The following KLF17 variants were observed in gnomAD, a reference collection of about 807,000 sequenced individuals.
KLF17 encodes the protein KLF transcription factor 17, also known as Krueppel-like factor 17.
In KLF17, 31 loss-of-function variants were observed where a neutral mutation model predicts 34.2. The observed-to-expected ratio is 0.91, with a 90% CI of 0.68 to 1.22. KLF17 has a LOEUF of 1.22. Ranked by LOEUF, KLF17 falls within the 50% of genes most tolerant of loss-of-function variation. The probability of loss-of-function intolerance (pLI) is 0.00; values close to 1 mark genes in which losing one functional copy is unlikely to be tolerated. For synonymous variants in KLF17, 179 were observed against 186.7 expected (o/e 0.96, Z 0.34); for missense variants, 478 against 505.2 (o/e 0.95, Z 0.52).
the KLF17 span, chr1:44,052,009 C>G: frequency 6.6e-6 from 1 of 152,092 alleles, no homozygotes; most frequent in Non-Finnish European, 1.5e-5. Context: ...CCCACAGGAA[C>G]AGAAAAAGGC....
At chr1:44,131,243 C>T (rs544808752) in intron 3 of KLF17, among the ~76,000 whole-genome samples, 3 of 152,270 alleles carry the variant, frequency 2.0e-5, no homozygotes, top group South Asian at 2.1e-4. Flanking sequence ...AACCCTGTCT[C>T]GGATGCCCTT....
upstream of KLF17, chr1:44,115,450 C>CAAAAAAAAAAAAAAA (rs34620805): frequency 2.7e-5 from 2 of 74,670 alleles, no homozygotes; most frequent in Non-Finnish European, 4.7e-5. Flanking sequence ...GACTCTGTGT[C>CAAAAAAAAAAAAAAA]AAAAAAAAAA....
At chr1:44,046,088 C>T in the KLF17 span, 16 of 150,816 alleles carry the variant, frequency 1.1e-4, no homozygotes, top group Admixed American at 2.6e-4. Context: ...AAACAGATGT[C>T]AGCCTGTGTA....
Position 44,130,648 on chromosome 1 carries a change from G to T in KLF17, c.1062G>T (p.Arg354Ser). The change falls in exon 3 of 4, where the codon AGG (arginine) becomes AGT (serine). Residue 354 changes from arginine (R) to serine (S), a missense_variant. Coordinates refer to ENST00000372299, the MANE Select transcript of KLF17 (RefSeq NM_173484.4). ...ATCAGTGCAGCCGGGAGTTCATGAG[G>T]TCTGACCATCTCAAGCAACACCAGA... ...KCDQCSREFM[R>S]SDHLKQHQKT... 6.2e-7 allele frequency: 1 copy of T among 1,614,104 alleles called. No homozygotes were observed. Among genetic ancestry groups the T allele is most frequent in the Non-Finnish European group, 8.5e-7 (1 of 1,180,028 alleles).
chr1:44,127,708 CT>C (rs1209152903), intron 1 of KLF17, among the ~76,000 whole-genome samples: 1 of 96,578 alleles, frequency 1.0e-5, no homozygotes. Flanking sequence ...TTCTTTCTTT[CT>C]TTCTTCTCTT....
the KLF17 span, among the ~76,000 whole-genome samples, chr1:44,081,246 G>A: frequency 2.0e-5 from 3 of 147,858 alleles, no homozygotes; most frequent in East Asian, 6.1e-4. Context: ...AAAAAAATTA[G>A]TTAATCAGAT....
At chr1:44,094,263 G>A in the KLF17 span, among the ~76,000 whole-genome samples, 1 of 152,120 alleles carries the variant, frequency 6.6e-6, no homozygotes, top group African/African-American at 2.4e-5. Flanking sequence ...CAGATGGGTA[G>A]TTTGCAAATA....
the KLF17 span, among the ~76,000 whole-genome samples, chr1:44,107,968 T>C: frequency 1.3e-5 from 2 of 152,160 alleles, no homozygotes; most frequent in East Asian, 1.9e-4. Context: ...AGAGGACTAG[T>C]GTATATTGAA....
At chr1:44,071,746 G>A in the KLF17 span, among the ~76,000 whole-genome samples, 1 of 152,098 alleles carries the variant, frequency 6.6e-6, no homozygotes, top group Non-Finnish European at 1.5e-5. Flanking sequence ...AGCCAATCTA[G>A]TGAGGTTTCT....
the KLF17 span, chr1:44,076,506 G>A: frequency 1.3e-5 from 2 of 152,330 alleles, no homozygotes; most frequent in Admixed American, 6.5e-5. Context: ...GAGGATCTAG[G>A]TGAAGGAAAT....
the KLF17 span, among the ~76,000 whole-genome samples, chr1:44,086,329 G>A: frequency 6.6e-6 from 1 of 152,338 alleles, no homozygotes; most frequent in Non-Finnish European, 1.5e-5. Flanking sequence ...AGCCAGGCGT[G>A]GTGGCGCATG....
At chr1:44,066,557 T>A in the KLF17 span, among the ~76,000 whole-genome samples, 1 of 151,962 alleles carries the variant, frequency 6.6e-6, no homozygotes, top group East Asian at 1.9e-4. Context: ...GTCAGTGAGA[T>A]CTCTTATACA....
At chr1:44,049,802 A>G in the KLF17 span, among the ~76,000 whole-genome samples, 1 of 152,186 alleles carries the variant, frequency 6.6e-6, no homozygotes. Flanking sequence ...TTTTCAATCT[A>G]TAAGGTTTAT....
Position 44,130,916 on chromosome 1 carries a change from C to T in KLF17, c.*160C>T, listed in dbSNP as rs1467394125. Among the ~76,000 whole-genome samples the T allele has an allele frequency of 4.6e-5, 7 of 152,196 alleles. No individual in the cohort carries two copies. The South Asian group carries it at 6.2e-4, about 14-fold the overall frequency. Reference sequence around the variant, plus strand: ...GTTCAAGTGATTTTCCTGCCTCAGCCTCCCGAGTAGCTAGGACTACAGGCA... The same window carrying T: ...GTTCAAGTGATTTTCCTGCCTCAGCTTCCCGAGTAGCTAGGACTACAGGCA... On this transcript the variant is annotated intron_variant, in intron 3 of 3. Transcript: ENST00000372299.
the KLF17 span, among the ~76,000 whole-genome samples, chr1:44,083,129 G>T: frequency 4.7e-5 from 7 of 150,490 alleles, no homozygotes; most frequent in Admixed American, 3.3e-4. Flanking sequence ...TTTTTTTTTT[G>T]TAGAGATGAG....
the KLF17 span, among the ~76,000 whole-genome samples, chr1:44,092,140 C>T: frequency 4.0e-5 from 6 of 151,600 alleles, no homozygotes; most frequent in Non-Finnish European, 7.4e-5. Context: ...GTCGGGGGTT[C>T]GAGACCAGCC....
the KLF17 span, among the ~76,000 whole-genome samples, chr1:44,072,964 G>A: frequency 4.1e-3 from 617 of 152,262 alleles, 4 homozygotes; most frequent in African/African-American, 0.013. Flanking sequence ...GTAAGCAGAG[G>A]TCTGGGAATT....
chr1:44,089,500 C>A, the KLF17 span, among the ~76,000 whole-genome samples: 1 of 152,186 alleles, frequency 6.6e-6, no homozygotes, highest in Non-Finnish European at 1.5e-5. Context: ...TGAAGCAGCT[C>A]TCTGCAGATG....
At chr1:44,121,700 TTTAAG>T (rs1178634344) in intron 1 of KLF17, among the ~76,000 whole-genome samples, 1 of 152,240 alleles carries the variant, frequency 6.6e-6, no homozygotes, top group Non-Finnish European at 1.5e-5. Context: ...TTGTATTACC[TTTAAG>T]TTATGATTAG....
Sources: gnomAD v4.1 joint callset for allele counts (sites outside exome capture counted in the v4.1 genomes callset) on GRCh38, gnomAD v4.1.1 for gene constraint, MANE v1.5 for transcripts, NCBI Gene and HGNC (gene_info 2026-07-23, HGNC 2026-07-21) for gene names.